SMC5: variants seen among roughly 807,000 people sequenced by gnomAD.
The protein encoded by SMC5 is structural maintenance of chromosomes 5.
Under a neutral mutation model 148.3 loss-of-function variants are expected in SMC5, and 88 were observed. That is an observed-to-expected ratio of 0.59 (90% CI 0.50 to 0.71). The LOEUF (loss-of-function observed/expected upper bound fraction) is 0.71. SMC5 is among the 30% of genes least tolerant of loss of function. The pLI is 0.00. For missense variants in SMC5, 1,142 were observed against 1,298.9 expected (o/e 0.88, Z 1.86); for synonymous variants, 421 against 432.8 (o/e 0.97, Z 0.34).
intron 11 of SMC5, among the ~76,000 whole-genome samples, chr9:70,305,938 G>A (rs1587670000): frequency 6.6e-6 from 1 of 152,096 alleles, no homozygotes; most frequent in South Asian, 2.1e-4. Flanking sequence ...TTAGTTTTAT[G>A]CTTCAGTTTT....
At chr9:70,299,130 A>G (rs1182485014) in intron 9 of SMC5, among the ~76,000 whole-genome samples, 1 of 151,906 alleles carries the variant, frequency 6.6e-6, no homozygotes, top group Non-Finnish European at 1.5e-5. Context: ...CCCTTCTCAC[A>G]TTCTAAATTC....
chr9:70,260,649 G>A (rs935353441), intron 1 of SMC5, among the ~76,000 whole-genome samples: 1 of 152,172 alleles, frequency 6.6e-6, no homozygotes, highest in Non-Finnish European at 1.5e-5. Flanking sequence ...AAAGATAAAT[G>A]TAATCAAATG....
chr9:70,349,024 G>C (rs1357294814), intron 22 of SMC5, among the ~76,000 whole-genome samples: 3 of 152,008 alleles, frequency 2.0e-5, no homozygotes, highest in African/African-American at 7.3e-5. Context: ...AGACCTTAAA[G>C]CTCTATTCAA....
At chr9:70,323,692 T>G in intron 16 of SMC5, 86 bp downstream of exon 16, 6 of 1,355,352 alleles carry the variant, frequency 4.4e-6, no homozygotes, top group Non-Finnish European at 4.0e-6. Context: ...AGGGAAGGTT[T>G]TGATTAAGGT....
intron 17 of SMC5, among the ~76,000 whole-genome samples, chr9:70,339,627 T>G (rs1277208093): frequency 1.3e-5 from 2 of 152,192 alleles, no homozygotes; most frequent in African/African-American, 4.8e-5. Context: ...TTTTCCTACT[T>G]GTCCCTTTGA....
intron 1 of SMC5, among the ~76,000 whole-genome samples, chr9:70,261,793 AAC>A (rs1441296929): frequency 6.6e-6 from 1 of 152,228 alleles, no homozygotes; most frequent in African/African-American, 2.4e-5. Context: ...AGTCAGAAGG[AAC>A]TATTCAGGGA....
chr9:70,318,408 C>T (rs1407410251), intron 13 of SMC5, 106 bp from the exon 14 acceptor site: 5 of 940,590 alleles, frequency 5.3e-6, no homozygotes, highest in Admixed American at 5.6e-5. Flanking sequence ...ATGTATATCT[C>T]GTATATTTTG....
intron 18 of SMC5, among the ~76,000 whole-genome samples, chr9:70,345,321 C>T (rs1376145394): frequency 6.6e-6 from 1 of 151,998 alleles, no homozygotes; most frequent in African/African-American, 2.4e-5. Context: ...ATACTTCCTT[C>T]TCAGCTGAAA....
chr9:70,282,638 A>G (rs2034782030), intron 7 of SMC5, 55 bp downstream of exon 7: 1 of 1,491,864 alleles, frequency 6.7e-7, no homozygotes, highest in South Asian at 1.3e-5. Context: ...CAAATATAAA[A>G]AATATTTTGC....
chr9:70,263,763 G>C (rs2034200650), intron 1 of SMC5, among the ~76,000 whole-genome samples: 1 of 152,144 alleles, frequency 6.6e-6, no homozygotes, highest in African/African-American at 2.4e-5. Context: ...GGGACTATAG[G>C]CACATACCAT....
chr9:70,281,302 A>G (rs139981049), intron 6 of SMC5, among the ~76,000 whole-genome samples: 1 of 152,280 alleles, frequency 6.6e-6, no homozygotes, highest in African/African-American at 2.4e-5. Context: ...TCGGCCTCCC[A>G]AAATACTGAT....
chr9:70,284,951 A>G lies in SMC5; in HGVS notation c.982-1249A>G, dbSNP rs1180122. ...TTATGGACAGGGCATAGCTTTTGAG[A>G]CACACAGACCTGTATTTTAAATCCT... On this transcript the variant is annotated intron_variant, in intron 7 of 24. Transcript: ENST00000361138. Among the ~76,000 whole-genome samples the G allele has an allele frequency of 2.0e-5, 3 of 151,814 alleles. No individual in the cohort carries two copies. In the South Asian group the frequency reaches 6.2e-4, roughly 32 times the overall value.
chr9:70,334,256 C>T (rs1414700823), intron 17 of SMC5, among the ~76,000 whole-genome samples: 3 of 151,576 alleles, frequency 2.0e-5, no homozygotes, highest in Non-Finnish European at 4.4e-5. Context: ...TACCTCGTAT[C>T]ATATACAAAT....
chr9:70,281,701 T>C (rs1467687640), intron 6 of SMC5, among the ~76,000 whole-genome samples: 5 of 152,208 alleles, frequency 3.3e-5, no homozygotes, highest in African/African-American at 1.2e-4. Context: ...TTCCCCCTTC[T>C]ACCTACCCTA....
At chr9:70,332,487 G>A (rs1049738106) in intron 17 of SMC5, among the ~76,000 whole-genome samples, 42 of 140,082 alleles carry the variant, frequency 3.0e-4, no homozygotes, top group Non-Finnish European at 9.0e-5. Context: ...TTGGACTACT[G>A]TACTTCAGCC....
chr9:70,292,465 T>C (rs2035089275), intron 8 of SMC5, among the ~76,000 whole-genome samples: 1 of 152,192 alleles, frequency 6.6e-6, no homozygotes, highest in Admixed American at 6.5e-5. Flanking sequence ...GGGACAGCTT[T>C]ATTTCTTTCT....
chr9:70,326,814 A>G (rs1311505984), intron 17 of SMC5, among the ~76,000 whole-genome samples: 2 of 152,050 alleles, frequency 1.3e-5, no homozygotes, highest in African/African-American at 4.8e-5. Context: ...TAACAGAGAA[A>G]AATTATTCCA....
At chr9:70,336,527 T>A (rs1212118353) in intron 17 of SMC5, among the ~76,000 whole-genome samples, 1 of 152,086 alleles carries the variant, frequency 6.6e-6, no homozygotes, top group Non-Finnish European at 1.5e-5. Flanking sequence ...GTAGTCGGTG[T>A]CCAGCAAAAA....
rs2036828031 is a variant in SMC5, at chr9:70,352,484, A to G, written c.*153A>G. The G allele has an allele frequency of 5.5e-6, 4 of 721,624 alleles. No homozygotes were observed. The highest frequency in any genetic ancestry group is 8.6e-6 in the Non-Finnish European group (4 of 466,092). The allele number at this position is 721,624 out of a possible 1,614,324, so 44.7% of individuals were successfully genotyped here. A position where few individuals can be genotyped will look rare whatever the true frequency, so the allele number is the denominator to read the frequency against. On this transcript the variant is annotated 3_prime_UTR_variant, in exon 25 of 25. Coordinates refer to ENST00000361138, the MANE Select transcript of SMC5 (RefSeq NM_015110.4). ...AAATAGGTTGATAATGGAAACTATA[A>G]TGACCTTTCCAAAATAGCAGCTGGT... is the stretch of plus-strand genomic sequence containing the variant.
Sources: allele counts gnomAD v4.1 joint callset (sites outside exome capture counted in the v4.1 genomes callset), GRCh38; gene constraint gnomAD v4.1.1; transcripts MANE v1.5; gene names NCBI Gene and HGNC (gene_info 2026-07-23, HGNC 2026-07-21).